The following RAB7B variants were observed in gnomAD, a reference collection of about 807,000 sequenced individuals.
RAB7B encodes RAB7B, member RAS oncogene family, also known as ras-related protein Rab-7b.
At chr1:205,984,356 G>A (rs1660552700) in intron 5 of RAB7B, among the ~76,000 whole-genome samples, 1 of 152,150 alleles carries the variant, frequency 6.6e-6, no homozygotes, top group Admixed American at 6.5e-5. Flanking sequence ...CCCTCGCTGG[G>A]GCCTGGAGCA....
At chr1:205,981,500 A>G (rs903106831) in intron 5 of RAB7B, among the ~76,000 whole-genome samples, 12 of 145,074 alleles carry the variant, frequency 8.3e-5, no homozygotes, top group Non-Finnish European at 1.2e-4. Context: ...ACCTACTGTG[A>G]TTTCTTTCAC....
intron 1 of RAB7B, chr1:205,994,392 A>C: frequency 3.4e-5 from 10 of 290,110 alleles, no homozygotes; most frequent in Non-Finnish European, 4.5e-5. Context: ...CAAATCTCTC[A>C]TCCCTCAGCT....
intron 5 of RAB7B, among the ~76,000 whole-genome samples, chr1:205,979,930 C>T (rs1027514256): frequency 9.2e-5 from 14 of 152,206 alleles, no homozygotes; most frequent in Non-Finnish European, 1.8e-4. Context: ...AGTTCCCAGG[C>T]TCAGGCCAGA....
At chr1:205,984,231 G>A (rs1281880740) in intron 5 of RAB7B, 1 of 152,310 alleles carries the variant, frequency 6.6e-6, no homozygotes, top group Non-Finnish European at 1.5e-5. Flanking sequence ...ACAAGAGCCA[G>A]TGAGGGTCGG....
Position 205,977,849 on chromosome 1 carries a change from T to A in RAB7B, c.*1002A>T, listed in dbSNP as rs913398783. ...CCTCAGGGAAGCCCTCCTGGACCACTTCATCTAAAATAGCAACTCATCCCA... is the reference window on the plus strand; with the variant it reads ...CCTCAGGGAAGCCCTCCTGGACCACATCATCTAAAATAGCAACTCATCCCA... On this transcript the variant is annotated 3_prime_UTR_variant, in exon 6 of 6. Coordinates refer to ENST00000617070, the MANE Select transcript of RAB7B (RefSeq NM_001164522.3). 2.0e-5 allele frequency: 3 copies of A among 152,188 alleles called. No homozygotes were observed. Among genetic ancestry groups the A allele is most frequent in the Non-Finnish European group, 4.4e-5 (3 of 68,064 alleles). 9.4% of individuals were successfully genotyped at this position (152,188 alleles called of 1,614,324 possible). A position where few individuals can be genotyped will look rare whatever the true frequency, so the allele number is the denominator to read the frequency against.
At chr1:205,988,239 T>TTC (rs1660649484) in intron 4 of RAB7B, among the ~76,000 whole-genome samples, 1 of 28,708 alleles carries the variant, frequency 3.5e-5, no homozygotes, top group African/African-American at 4.7e-5. Context: ...GGTTTTTTTT[T>TTC]TTTTTTTCTT....
intron 4 of RAB7B, among the ~76,000 whole-genome samples, chr1:205,989,375 C>T (rs1381346526): frequency 6.6e-6 from 1 of 152,114 alleles, no homozygotes; most frequent in African/African-American, 2.4e-5. Context: ...CACCCTGGGG[C>T]TTGGATTGGA....
rs1660400165 is a variant in RAB7B, at chr1:205,977,392, T to A, written c.*1459A>T. Reference sequence around the variant, plus strand: ...TTGCCTGAGTCATATATATTGAAGTTTTTGCTCATTTCTTACTAGGCTTAA... The same window carrying A: ...TTGCCTGAGTCATATATATTGAAGTATTTGCTCATTTCTTACTAGGCTTAA... On this transcript the variant is annotated 3_prime_UTR_variant, in exon 6 of 6. Coordinates refer to ENST00000617070, the MANE Select transcript of RAB7B (RefSeq NM_001164522.3). 2 of 152,182 alleles carry A rather than the reference T, an allele frequency of 1.3e-5. No individual in the cohort carries two copies. The highest frequency in any genetic ancestry group is 4.1e-4 in the South Asian group (2 of 4,832). The allele number at this position is 152,182 out of a possible 1,614,324, so 9.4% of individuals were successfully genotyped here.
chr1:205,990,774 TGTC>T, intron 4 of RAB7B, among the ~76,000 whole-genome samples: 1 of 137,788 alleles, frequency 7.3e-6, no homozygotes, highest in Non-Finnish European at 1.5e-5. Context: ...AGTGCAAGAC[TGTC>T]TTTTTCTTTC....
In RAB7B at chr1:205,987,678, T is replaced by G. The variant is rs1660635089; in HGVS notation, c.397-2013A>C. The stretch of plus-strand genomic sequence containing the variant: ...CCCACCTGAGCACAGAGCAAATAAT[T>G]CATGCCCCAGTGAATAAATTCCTTG... On this transcript the variant is annotated intron_variant, in intron 4 of 5. Transcript: ENST00000617070. Among the ~76,000 whole-genome samples the G allele has an allele frequency of 4.6e-5, 7 of 152,310 alleles. No individual in the cohort carries two copies. The East Asian group carries it at 1.3e-3, about 29-fold the overall frequency.
intron 3 of RAB7B, 41 bp from the exon 4 acceptor site, chr1:205,992,736 G>A (rs1449135203): frequency 2.5e-6 from 1 of 398,770 alleles, no homozygotes; most frequent in Non-Finnish European, 4.4e-6. Context: ...TGTGATGAAT[G>A]GCTGGAAGGA....
intron 3 of RAB7B, among the ~76,000 whole-genome samples, chr1:205,992,994 G>A (rs1660750803): frequency 6.6e-6 from 1 of 152,126 alleles, no homozygotes; most frequent in South Asian, 2.1e-4. Flanking sequence ...TTGGACCTCG[G>A]GAATGTCTTG....
At chr1:205,988,103 T>C (rs1219693593) in intron 4 of RAB7B, among the ~76,000 whole-genome samples, 1 of 152,292 alleles carries the variant, frequency 6.6e-6, no homozygotes, top group African/African-American at 2.4e-5. Flanking sequence ...GTATTCACAT[T>C]GTACATTCCT....
chr1:205,988,515 G>A (rs996796809), intron 4 of RAB7B, among the ~76,000 whole-genome samples: 262 of 152,320 alleles, frequency 1.7e-3, no homozygotes, highest in Non-Finnish European at 3.2e-3. Flanking sequence ...GATTACAGGC[G>A]TGAGCCACTG....
At chr1:205,988,796 G>A (rs927416386) in intron 4 of RAB7B, among the ~76,000 whole-genome samples, 11 of 152,152 alleles carry the variant, frequency 7.2e-5, no homozygotes, top group Non-Finnish European at 1.3e-4. Flanking sequence ...TGCGGGACGG[G>A]CTCCGAGGAG....
At chr1:205,990,666 C>T (rs1011848514) in intron 4 of RAB7B, among the ~76,000 whole-genome samples, 6 of 152,084 alleles carry the variant, frequency 3.9e-5, no homozygotes, top group African/African-American at 1.2e-4. Context: ...AGACCCTTGT[C>T]ATGGGAGGTA....
At chr1:205,988,231 T>G (rs1465202374) in intron 4 of RAB7B, among the ~76,000 whole-genome samples, 10 of 25,198 alleles carry the variant, frequency 4.0e-4, no homozygotes, top group East Asian at 0.013. Flanking sequence ...TGTGTGTGGG[T>G]TTTTTTTTTT....
chr1:205,985,747 C>CCCA lies in RAB7B; in HGVS notation c.397-85_397-83dup, dbSNP rs1660583688. The CCCA allele has an allele frequency of 2.4e-3, 731 of 303,080 alleles. 21 individuals are homozygous for CCCA. Among genetic ancestry groups the CCCA allele is most frequent in the Middle Eastern group, 8.6e-3 (10 of 1,162 alleles). The allele number at this position is 303,080 out of a possible 1,614,324, so 18.8% of individuals were successfully genotyped here. A position where few individuals can be genotyped will look rare whatever the true frequency, so the allele number is the denominator to read the frequency against. ...TTGCCACCATCACATCCCCACCATC[C>CCCA]CCATCAGGCCCACCATCCCCACCAT... On this transcript the variant is annotated intron_variant, in intron 4 of 5. Coordinates refer to ENST00000617070, the MANE Select transcript of RAB7B (RefSeq NM_001164522.3).
intron 4 of RAB7B, 79 bp downstream of exon 4, chr1:205,992,401 T>C (rs918173358): frequency 1.3e-5 from 5 of 398,076 alleles, no homozygotes; most frequent in Non-Finnish European, 2.2e-5. Flanking sequence ...GCTCTGTATG[T>C]GTGGGACCTA....
Sources: allele counts gnomAD v4.1 joint callset (sites outside exome capture counted in the v4.1 genomes callset), GRCh38; gene constraint gnomAD v4.1.1; transcripts MANE v1.5; gene names NCBI Gene and HGNC (gene_info 2026-07-23, HGNC 2026-07-21).